The following HSDL1 variants were observed in gnomAD, a reference collection of about 807,000 sequenced individuals.
HSDL1 encodes hydroxysteroid dehydrogenase like 1.
Under a neutral mutation model 31.5 loss-of-function variants are expected in HSDL1, and 29 were observed. That is an observed-to-expected ratio of 0.92 (90% CI 0.69 to 1.26). The LOEUF (loss-of-function observed/expected upper bound fraction) is 1.26, where lower values mean the gene tolerates loss of function less well. Among genes scored for constraint, HSDL1 ranks in the 50% most tolerant of loss-of-function variants. The pLI is 0.00. For missense variants in HSDL1, 503 were observed against 416.6 expected, an observed-to-expected ratio of 1.21 and a Z score of -1.81; for synonymous variants, 222 against 155.2, an observed-to-expected ratio of 1.43 and a Z score of -3.20.
At chr16:84,144,878 G>C (rs899636896) in intron 1 of HSDL1, among the ~76,000 whole-genome samples, 1 of 151,614 alleles carries the variant, frequency 6.6e-6, no homozygotes, top group African/African-American at 2.4e-5. Flanking sequence ...AGTCTCACGG[G>C]ACGGAGGGAC....
At chr16:84,131,494 T>TATCC (rs892401974) in intron 2 of HSDL1, among the ~76,000 whole-genome samples, 167 bp from the exon 3 acceptor site, 1 of 149,008 alleles carries the variant, frequency 6.7e-6, no homozygotes, top group Non-Finnish European at 1.5e-5. Flanking sequence ...TCTATCTATC[T>TATCC]ATCTATCTAT....
At position 84,131,272 on chromosome 16, in the gene HSDL1, G is replaced by A. The variant is rs1597374901; in HGVS notation, c.50C>T (p.Ser17Phe). 1.9e-6 allele frequency: 3 copies of A among 1,614,036 alleles called. No homozygotes were observed. The highest frequency in any genetic ancestry group is 2.7e-5 in the African/African-American group (2 of 74,918). The change falls in exon 3 of 6, where the codon TCT becomes TTT. Residue 17 changes from serine (S) to phenylalanine (F), a missense_variant. Ser to Phe is a radical substitution (Grantham distance 155). Transcript: ENST00000219439. ...TAGAGCTTCCATATAGCAATTGCAA[G>A]ACCTGGCGATTTCCCTGTACAAGAG... ...FYLLYREIAR[S>F]CNCYMEALAL...
In HSDL1 at chr16:84,130,090, C is replaced by A. The variant is rs1363218130; in HGVS notation, c.562G>T (p.Val188Leu). The A allele has an allele frequency of 6.2e-7, 1 of 1,614,148 alleles. No individual in the cohort carries two copies. Among genetic ancestry groups the A allele is most frequent in the South Asian group, 1.1e-5 (1 of 91,082 alleles). ...IAAASLMVHV[V>L]LPGMVERKKG... ...TTTCTCTCCACCATTCCCGGTAACA[C>A]AACATGGACCATCAAACTAGCGGCG... Residue 188 changes from valine to leucine, a missense_variant, in exon 4 of 6, where the codon GTG becomes TTG. Physicochemically the swap from Val to Leu is conservative, Grantham distance 32 (BLOSUM62 1). Coordinates refer to ENST00000219439, the MANE Select transcript of HSDL1 (RefSeq NM_031463.5).
intron 5 of HSDL1, chr16:84,125,275 C>T (rs1334800310): frequency 6.4e-6 from 1 of 156,416 alleles, no homozygotes; most frequent in African/African-American, 2.4e-5. Flanking sequence ...CAACAAATAC[C>T]CACCAGTCAC....
chr16:84,141,436 G>A (rs541373462), intron 1 of HSDL1, among the ~76,000 whole-genome samples: 36 of 152,270 alleles, frequency 2.4e-4, no homozygotes, highest in Admixed American at 5.2e-4. Flanking sequence ...TGCTAGGCAC[G>A]TGCACTGTTT....
At position 84,133,072 on chromosome 16, in the gene HSDL1, A is replaced by G. The variant is rs538231997; in HGVS notation, c.-6-1745T>C. 7.2e-5 allele frequency among the ~76,000 whole-genome samples: 11 copies of G among 151,950 alleles called. No individual in the cohort carries two copies. The South Asian group carries it at 2.3e-3, about 32-fold the overall frequency. On this transcript the variant is annotated intron_variant, in intron 2 of 5. Transcript: ENST00000219439. ...GAGAAAGAATGGGGAATTCCCTCCT[A>G]CTCCACTGCAGTGTAATCTGAGCTC...
At chr16:84,126,085 A>G (rs1396020070) in intron 5 of HSDL1, among the ~76,000 whole-genome samples, 3 of 149,468 alleles carry the variant, frequency 2.0e-5, no homozygotes, top group Admixed American at 1.3e-4. Flanking sequence ...CCTGGGCAAC[A>G]GAGCAAAACT....
chr16:84,125,473 T>C (rs1308801488), intron 5 of HSDL1, among the ~76,000 whole-genome samples: 2 of 136,712 alleles, frequency 1.5e-5, no homozygotes, highest in African/African-American at 5.6e-5. Context: ...TCAATCACAA[T>C]AAATACCCAC....
At chr16:84,139,271 G>C (rs1163694221) in intron 1 of HSDL1, 1 of 152,304 alleles carries the variant, frequency 6.6e-6, no homozygotes, top group African/African-American at 2.4e-5. Flanking sequence ...TAAAGACTCC[G>C]AGCTGGGGAG....
intron 5 of HSDL1, chr16:84,124,988 T>A (rs1177736138): frequency 2.3e-5 from 4 of 173,346 alleles, no homozygotes; most frequent in East Asian, 2.0e-4. Context: ...TACACACCAA[T>A]CAAACAAATA....
At position 84,122,363 on chromosome 16, in the gene HSDL1, C is replaced by CTT. The variant is rs11448771; in HGVS notation, c.*2265_*2266dup. 6,605 of 146,720 alleles carry CTT rather than the reference C, an allele frequency of 0.045. 264 individuals carry two copies. Among genetic ancestry groups the CTT allele is most frequent in the African/African-American group, 0.1 (4,097 of 40,060 alleles). 9.1% of individuals were successfully genotyped at this position (146,720 alleles called of 1,614,324 possible). On this transcript the variant is annotated 3_prime_UTR_variant, in exon 6 of 6. Coordinates refer to ENST00000219439, the MANE Select transcript of HSDL1 (RefSeq NM_031463.5). ...TTCAAAGGTTCATATTTCCCACGTT[C>CTT]TTTTTTTTTTTTTGAGACAGGGTCT...
chr16:84,125,019 CCAAT>C (rs202037554), intron 5 of HSDL1: 4,259 of 225,726 alleles, frequency 0.019, 301 homozygotes, highest in East Asian at 0.097. Context: ...ACAATACCCA[CCAAT>C]CAAACAAATA....
At chr16:84,139,662 A>G (rs1488970691) in intron 1 of HSDL1, among the ~76,000 whole-genome samples, 1 of 152,184 alleles carries the variant, frequency 6.6e-6, no homozygotes, top group Admixed American at 6.5e-5. Context: ...AGTGGGAGGA[A>G]GGGATGGATG....
At chr16:84,144,627 A>G (rs1202547585) in intron 1 of HSDL1, among the ~76,000 whole-genome samples, 1 of 152,162 alleles carries the variant, frequency 6.6e-6, no homozygotes, top group Non-Finnish European at 1.5e-5. Flanking sequence ...ATGAGAATAA[A>G]GAAGCACCGA....
At chr16:84,135,658 G>C (rs2086705688) in intron 1 of HSDL1, 53 bp from the exon 2 acceptor site, 1 of 152,246 alleles carries the variant, frequency 6.6e-6, no homozygotes, top group East Asian at 1.9e-4. Context: ...TCATAGTTCA[G>C]CTGGGAAAAC....
intron 1 of HSDL1, among the ~76,000 whole-genome samples, chr16:84,140,880 G>C (rs2086760868): frequency 6.6e-6 from 1 of 152,040 alleles, no homozygotes; most frequent in Admixed American, 6.5e-5. Flanking sequence ...GAGGCGGGCG[G>C]ATCACGAGGT....
intron 5 of HSDL1, among the ~76,000 whole-genome samples, 167 bp downstream of exon 5, chr16:84,129,379 CAA>C (rs370820621): frequency 7.1e-6 from 1 of 141,194 alleles, no homozygotes; most frequent in African/African-American, 2.6e-5. Flanking sequence ...GACTCCATCT[CAA>C]AAAAAAAAAG....
In HSDL1 at chr16:84,145,177, C is replaced by T. The variant is rs1567528456; in HGVS notation, c.-166G>A. 2.0e-5 allele frequency: 6 copies of T among 302,180 alleles called. No homozygotes were observed. In the South Asian group the frequency reaches 3.5e-4, roughly 18 times the overall value. The allele number at this position is 302,180 out of a possible 1,614,324, so 18.7% of individuals were successfully genotyped here. A position where few individuals can be genotyped will look rare whatever the true frequency, so the allele number is the denominator to read the frequency against. Reference sequence around the variant, plus strand: ...GAGCTGCTGCCGCGCCGCGCCCTCACGTGACCCGCGTACGCGCCGGGGGCG... The same window carrying T: ...GAGCTGCTGCCGCGCCGCGCCCTCATGTGACCCGCGTACGCGCCGGGGGCG... On this transcript the variant is annotated 5_prime_UTR_variant, in exon 1 of 6. In the 5' UTR this introduces an upstream ATG that the reference lacks. Coordinates refer to ENST00000219439, the MANE Select transcript of HSDL1 (RefSeq NM_031463.5).
chr16:84,127,366 C>A (rs758110915), intron 5 of HSDL1, among the ~76,000 whole-genome samples: 6 of 151,784 alleles, frequency 4.0e-5, no homozygotes, highest in Non-Finnish European at 7.4e-5. Context: ...CAGGCGTGCA[C>A]CACCATGACC....
Sources: gnomAD v4.1 joint callset for allele counts (sites outside exome capture counted in the v4.1 genomes callset) on GRCh38, gnomAD v4.1.1 for gene constraint, MANE v1.5 for transcripts, NCBI Gene and HGNC (gene_info 2026-07-23, HGNC 2026-07-21) for gene names.